CTNNA3: variants seen among roughly 807,000 people sequenced by gnomAD.
The protein encoded by CTNNA3 is catenin alpha 3, also known as catenin alpha-3.
CTNNA3 carries 76 observed loss-of-function variants against 95.7 expected under a neutral mutation model. The ratio of observed to expected loss-of-function variants is 0.79; its 90% CI spans 0.66 to 0.96. CTNNA3 has a LOEUF of 0.96. CTNNA3 is among the 40% of genes least tolerant of loss of function. The probability of loss-of-function intolerance (pLI) is 0.00; values close to 1 mark genes in which losing one functional copy is unlikely to be tolerated. For synonymous variants in CTNNA3, 431 were observed against 374.4 expected (o/e 1.15, Z -1.74); for missense variants, 1,191 against 1,089.8 (o/e 1.09, Z -1.31).
chr10:66,488,854 T>C (rs1371716447), intron 11 of CTNNA3, among the ~76,000 whole-genome samples: 1 of 151,778 alleles, frequency 6.6e-6, no homozygotes, highest in Non-Finnish European at 1.5e-5. Context: ...TAAGAAGACC[T>C]AAAAAACATT....
chr10:66,595,342 T>C (rs1005564858), intron 10 of CTNNA3, among the ~76,000 whole-genome samples: 2 of 151,472 alleles, frequency 1.3e-5, no homozygotes, highest in South Asian at 4.2e-4. Flanking sequence ...TTATTATTAT[T>C]ATTATTATTA....
At chr10:67,556,300 C>A (rs1841249328) in intron 3 of CTNNA3, among the ~76,000 whole-genome samples, 1 of 151,978 alleles carries the variant, frequency 6.6e-6, no homozygotes, top group African/African-American at 2.4e-5. Context: ...CCTGTTTTTC[C>A]ATAAATTGGA....
intron 7 of CTNNA3, among the ~76,000 whole-genome samples, chr10:66,858,824 G>A (rs554288524): frequency 3.9e-4 from 59 of 151,522 alleles, no homozygotes; most frequent in Middle Eastern, 6.8e-3. Flanking sequence ...CTATTCTTTC[G>A]AGTAACAAAC....
At chr10:67,180,570 T>G in intron 6 of CTNNA3, 50 bp from the exon 7 acceptor site, 1 of 1,444,440 alleles carries the variant, frequency 6.9e-7, no homozygotes, top group East Asian at 2.3e-5. Context: ...CATTTCACTT[T>G]TATGAAAAAC....
At chr10:66,849,683 C>G (rs1388557385) in intron 7 of CTNNA3, among the ~76,000 whole-genome samples, 2 of 152,002 alleles carry the variant, frequency 1.3e-5, no homozygotes, top group African/African-American at 4.8e-5. Context: ...CGGAAGCCAC[C>G]AGAAGCTAGG....
intron 12 of CTNNA3, among the ~76,000 whole-genome samples, chr10:66,345,752 G>A (rs2092502833): frequency 6.6e-6 from 1 of 152,004 alleles, no homozygotes; most frequent in African/African-American, 2.4e-5. Context: ...TCTGAAAGCA[G>A]CAGAAAGTTT....
At chr10:66,589,784 T>C (rs1392832916) in intron 10 of CTNNA3, among the ~76,000 whole-genome samples, 1 of 152,078 alleles carries the variant, frequency 6.6e-6, no homozygotes, top group African/African-American at 2.4e-5. Context: ...TTCCCTTAGA[T>C]AAGATCACTT....
intron 10 of CTNNA3, among the ~76,000 whole-genome samples, chr10:66,618,259 C>A (rs1472074110): frequency 1.3e-5 from 2 of 151,792 alleles, no homozygotes; most frequent in Non-Finnish European, 2.9e-5. Flanking sequence ...CCAAGTCAAT[C>A]CTAAGCCAAA....
At chr10:67,727,497 A>C (rs1841243035) in intron 1 of CTNNA3, among the ~76,000 whole-genome samples, 1 of 132,400 alleles carries the variant, frequency 7.6e-6, no homozygotes, top group Non-Finnish European at 1.6e-5. Flanking sequence ...TATTAAACAT[A>C]ATATATCATA....
intron 12 of CTNNA3, among the ~76,000 whole-genome samples, chr10:66,309,032 A>T (rs1393721011): frequency 1.3e-5 from 2 of 152,144 alleles, no homozygotes; most frequent in East Asian, 3.9e-4. Flanking sequence ...CTCTCAACTA[A>T]TTCAAAAAGA....
intron 13 of CTNNA3, among the ~76,000 whole-genome samples, chr10:66,171,644 G>A (rs1046829240): frequency 1.3e-5 from 2 of 152,044 alleles, no homozygotes; most frequent in Non-Finnish European, 2.9e-5. Context: ...GCTTGGCAAA[G>A]CTTCTAGAAA....
At chr10:66,390,014 G>T (rs997404574) in intron 11 of CTNNA3, among the ~76,000 whole-genome samples, 5 of 152,146 alleles carry the variant, frequency 3.3e-5, no homozygotes, top group African/African-American at 4.8e-5. Context: ...GAGATTACTG[G>T]AGTGAGCCCC....
chr10:66,448,299 T>A (rs544998197), intron 11 of CTNNA3, among the ~76,000 whole-genome samples: 1 of 151,976 alleles, frequency 6.6e-6, no homozygotes, highest in Non-Finnish European at 1.5e-5. Context: ...ACTAGAAATA[T>A]CATTTGACCC....
At chr10:66,609,476 C>G (rs550033113) in intron 10 of CTNNA3, among the ~76,000 whole-genome samples, 7 of 151,114 alleles carry the variant, frequency 4.6e-5, no homozygotes, top group South Asian at 2.1e-4. Context: ...AGAAGACATA[C>G]ATGTGGCCAA....
chr10:67,092,532 T>G (rs181449136), intron 7 of CTNNA3, among the ~76,000 whole-genome samples: 25 of 152,066 alleles, frequency 1.6e-4, no homozygotes, highest in Admixed American at 7.2e-4. Flanking sequence ...CATATGAATG[T>G]TCATATATAT....
intron 1 of CTNNA3, among the ~76,000 whole-genome samples, chr10:67,688,292 T>C (rs183530160): frequency 1.3e-5 from 2 of 152,096 alleles, no homozygotes; most frequent in East Asian, 3.9e-4. Context: ...GTTTTTGTGG[T>C]CCTTTGGAGA....
At position 66,242,436 on chromosome 10, in the gene CTNNA3, G is replaced by T. The variant is rs114081886; in HGVS notation, c.1884+38034C>A. On this transcript the variant is annotated intron_variant, in intron 13 of 17. Transcript: ENST00000433211. ...GACGAAAATGATATATTGACAGTAC[G>T]CATATTCAGCAAAGGACTGCTATCA... Among the ~76,000 whole-genome samples, 309 of 152,192 alleles carry T rather than the reference G, an allele frequency of 2.0e-3. 2 individuals are homozygous for T. The highest frequency in any genetic ancestry group is 7.2e-3 in the African/African-American group (301 of 41,532).
chr10:66,463,096 T>C (rs1212633905), intron 11 of CTNNA3, among the ~76,000 whole-genome samples: 2 of 152,152 alleles, frequency 1.3e-5, no homozygotes, highest in Non-Finnish European at 2.9e-5. Context: ...ATAGTCGAAA[T>C]GATATTCTTT....
In CTNNA3 at chr10:66,180,198, T is replaced by C. The variant is rs923175966; in HGVS notation, c.1885-76949A>G. Among the ~76,000 whole-genome samples, 3 of 152,144 alleles carry C rather than the reference T, an allele frequency of 2.0e-5. No individual in the cohort carries two copies. The East Asian group carries it at 5.8e-4, about 29-fold the overall frequency. On this transcript the variant is annotated intron_variant, in intron 13 of 17. Coordinates refer to ENST00000433211, the MANE Select transcript of CTNNA3 (RefSeq NM_013266.4). Reference sequence around the variant, plus strand: ...ACTTCTAATTTCTGCAAAAGATCACTGTTAGTTCTTTAGAAAACTGCTGGC... The same window carrying C: ...ACTTCTAATTTCTGCAAAAGATCACCGTTAGTTCTTTAGAAAACTGCTGGC...
Sources: gnomAD v4.1 joint callset for allele counts (sites outside exome capture counted in the v4.1 genomes callset) on GRCh38, gnomAD v4.1.1 for gene constraint, MANE v1.5 for transcripts, NCBI Gene and HGNC (gene_info 2026-07-23, HGNC 2026-07-21) for gene names.